The following NRG3 variants were observed in gnomAD, a reference collection of about 807,000 sequenced individuals.
NRG3 encodes the protein neuregulin 3, also known as pro-neuregulin-3, membrane-bound isoform.
In NRG3, 31 loss-of-function variants were observed where a neutral mutation model predicts 66.9. The observed-to-expected ratio is 0.46, with a 90% CI of 0.35 to 0.63. The LOEUF (loss-of-function observed/expected upper bound fraction) is 0.63. NRG3 is among the 20% of genes least tolerant of loss of function. The pLI is 0.00. For synonymous variants in NRG3, 393 were observed against 359.4 expected, an observed-to-expected ratio of 1.09 and a Z score of -1.06; for missense variants, 910 against 878.9, an observed-to-expected ratio of 1.04 and a Z score of -0.45.
At chr10:82,079,951 G>T (rs2065297470) in intron 1 of NRG3, among the ~76,000 whole-genome samples, 1 of 152,056 alleles carries the variant, frequency 6.6e-6, no homozygotes, top group Non-Finnish European at 1.5e-5. Flanking sequence ...TATAAATAAA[G>T]AAATCAAGCT....
At chr10:82,267,663 G>A (rs543231686) in intron 1 of NRG3, among the ~76,000 whole-genome samples, 22 of 152,258 alleles carry the variant, frequency 1.4e-4, no homozygotes, top group Admixed American at 5.2e-4. Context: ...CAATTTGCTC[G>A]GCATTTCAAT....
chr10:82,707,846 TA>T lies in NRG3; in HGVS notation c.954-30705del, dbSNP rs373670610. ...CAACATGGTGAAACATCATCTCTACTAAAAAAAAAAAAAAAAAAAAAAAAAA... is the reference window on the plus strand; with the variant it reads ...CAACATGGTGAAACATCATCTCTACTAAAAAAAAAAAAAAAAAAAAAAAAA... On this transcript the variant is annotated intron_variant, in intron 2 of 8. Coordinates refer to ENST00000372141, the MANE Select transcript of NRG3 (RefSeq NM_001010848.4). Among the ~76,000 whole-genome samples, 187 of 82,628 alleles carry T rather than the reference TA, an allele frequency of 2.3e-3. 1 individual carries two copies. The highest frequency in any genetic ancestry group is 8.2e-3 in the African/African-American group (163 of 19,908). The allele number at this position is 82,628 out of a possible 152,430, so 54.2% of individuals were successfully genotyped here. A position where few individuals can be genotyped will look rare whatever the true frequency, so the allele number is the denominator to read the frequency against.
At chr10:82,498,889 G>T (rs958004200) in intron 2 of NRG3, among the ~76,000 whole-genome samples, 34 of 152,096 alleles carry the variant, frequency 2.2e-4, no homozygotes, top group Non-Finnish European at 4.4e-5. Flanking sequence ...AGTGTATTAT[G>T]CAGTAAATTT....
chr10:82,787,260 G>A (rs2060408772), intron 3 of NRG3, among the ~76,000 whole-genome samples: 1 of 152,056 alleles, frequency 6.6e-6, no homozygotes, highest in South Asian at 2.1e-4. Context: ...ATACCCTACT[G>A]CAGTGGCCTG....
chr10:82,392,011 CAAA>C (rs1187855596), intron 2 of NRG3, among the ~76,000 whole-genome samples: 1 of 73,170 alleles, frequency 1.4e-5, no homozygotes, highest in South Asian at 4.1e-4. Flanking sequence ...AAAAAAAAAA[CAAA>C]AAAAAAACCC....
At chr10:82,626,215 A>G (rs772753296) in intron 2 of NRG3, among the ~76,000 whole-genome samples, 1 of 152,192 alleles carries the variant, frequency 6.6e-6, no homozygotes, top group African/African-American at 2.4e-5. Context: ...TAGATGATCA[A>G]TTAATACTTG....
intron 1 of NRG3, among the ~76,000 whole-genome samples, chr10:82,033,723 C>A (rs1421066539): frequency 6.6e-6 from 1 of 152,020 alleles, no homozygotes; most frequent in East Asian, 1.9e-4. Context: ...CAGGATGCAT[C>A]AGGGATTTGA....
chr10:82,084,928 C>T (rs141262100), intron 1 of NRG3, among the ~76,000 whole-genome samples: 5 of 152,052 alleles, frequency 3.3e-5, no homozygotes, highest in Admixed American at 6.5e-5. Context: ...TGAAAGTGTG[C>T]GTATGGAGTA....
chr10:82,976,496 C>T (rs1257248308), intron 7 of NRG3, among the ~76,000 whole-genome samples: 2 of 152,154 alleles, frequency 1.3e-5, no homozygotes, highest in East Asian at 3.9e-4. Flanking sequence ...CTATTGTGTG[C>T]CAGGCTCCAT....
chr10:82,363,067 CA>C (rs764163872), intron 2 of NRG3, among the ~76,000 whole-genome samples: 57 of 151,766 alleles, frequency 3.8e-4, no homozygotes, highest in Non-Finnish European at 6.9e-4. Context: ...AAATCAGAAA[CA>C]AAATTAAAAG....
intron 4 of NRG3, among the ~76,000 whole-genome samples, chr10:82,933,739 A>T (rs1209787334): frequency 6.6e-6 from 1 of 152,162 alleles, no homozygotes; most frequent in Non-Finnish European, 1.5e-5. Flanking sequence ...TGAAAGATTG[A>T]TCTAAGCACC....
chr10:82,576,249 T>TA (rs1315199279), intron 2 of NRG3, among the ~76,000 whole-genome samples: 2 of 151,702 alleles, frequency 1.3e-5, no homozygotes, highest in African/African-American at 4.8e-5. Flanking sequence ...TTAAATATCT[T>TA]ACTTCCAAGG....
At chr10:82,475,037 A>G (rs1245884327) in intron 2 of NRG3, among the ~76,000 whole-genome samples, 2 of 152,026 alleles carry the variant, frequency 1.3e-5, no homozygotes, top group Non-Finnish European at 1.5e-5. Context: ...TCCACAGCCT[A>G]GCTTTATACT....
chr10:82,217,260 C>G (rs1300301485), intron 1 of NRG3, among the ~76,000 whole-genome samples: 1 of 152,174 alleles, frequency 6.6e-6, no homozygotes, highest in African/African-American at 2.4e-5. Flanking sequence ...CTCTGGCAAG[C>G]TGTAAGCTGG....
At chr10:82,423,487 C>A (rs2089216525) in intron 2 of NRG3, among the ~76,000 whole-genome samples, 1 of 151,824 alleles carries the variant, frequency 6.6e-6, no homozygotes, top group Non-Finnish European at 1.5e-5. Context: ...CTTGATTCAG[C>A]TGAAACTTAG....
chr10:82,178,438 G>T (rs1246508886), intron 1 of NRG3, among the ~76,000 whole-genome samples: 1 of 152,080 alleles, frequency 6.6e-6, no homozygotes, highest in Non-Finnish European at 1.5e-5. Flanking sequence ...CTATGAGTTT[G>T]ACTATTTTAG....
At chr10:82,467,977 C>A (rs936363076) in intron 2 of NRG3, among the ~76,000 whole-genome samples, 1 of 151,988 alleles carries the variant, frequency 6.6e-6, no homozygotes, top group Admixed American at 6.6e-5. Context: ...GATCACATAT[C>A]TCCTAAGGGA....
intron 1 of NRG3, among the ~76,000 whole-genome samples, chr10:82,229,417 T>C (rs1450208216): frequency 1.3e-5 from 2 of 152,076 alleles, no homozygotes; most frequent in Admixed American, 1.3e-4. Context: ...GGAAGAAATA[T>C]AGCAAGGAAA....
chr10:82,662,424 G>A (rs934218090), intron 2 of NRG3, among the ~76,000 whole-genome samples: 1 of 151,854 alleles, frequency 6.6e-6, no homozygotes, highest in Non-Finnish European at 1.5e-5. Flanking sequence ...ATTAATAGAA[G>A]GTCTGGGGTA....
Sources: gnomAD v4.1 joint callset for allele counts (sites outside exome capture counted in the v4.1 genomes callset) on GRCh38, gnomAD v4.1.1 for gene constraint, MANE v1.5 for transcripts, NCBI Gene and HGNC (gene_info 2026-07-23, HGNC 2026-07-21) for gene names.